Variants in COQ8B observed in about 807,000 individuals in gnomAD.
The protein encoded by COQ8B is coenzyme Q8B, also known as atypical kinase COQ8B, mitochondrial.
COQ8B carries 44 observed loss-of-function variants against 62.0 expected under a neutral mutation model. That is an observed-to-expected ratio of 0.71 (90% CI 0.56 to 0.91). The LOEUF (loss-of-function observed/expected upper bound fraction) is 0.91. COQ8B is among the 40% of genes least tolerant of loss of function. COQ8B has a pLI of 0.00. For missense variants in COQ8B, 649 were observed against 731.6 expected, an observed-to-expected ratio of 0.89 and a Z score of 1.30; for synonymous variants, 252 against 289.9, an observed-to-expected ratio of 0.87 and a Z score of 1.33.
intron 4 of COQ8B, 130 bp from the exon 5 acceptor site, chr19:40,710,266 ATGGAGT>A: frequency 7.6e-6 from 7 of 924,008 alleles, no homozygotes; most frequent in Non-Finnish European, 9.9e-6. Context: ...TTTGTTTGAG[ATGGAGT>A]CTCGCTCTGT....
chr19:40,697,878 T>TG (rs1291467876), intron 12 of COQ8B, among the ~76,000 whole-genome samples: 43 of 31,004 alleles, frequency 1.4e-3, no homozygotes, highest in South Asian at 3.8e-3. Flanking sequence ...AGAGAGAGAG[T>TG]TTCTACTGGG....
At position 40,692,338 on chromosome 19, in the gene COQ8B, G is replaced by A. The variant is rs775237961; in HGVS notation, c.1332C>T (p.Ile444=). ...FSDAHVEAVM[I]LGEPFATQGP... is the part of the protein sequence containing the mutation. The stretch of plus-strand genomic sequence containing the variant: ...CCTGGGTGGCGAAAGGCTCCCCCAG[G>A]ATCATCACTGCCTCCACGTGGGCGT... The change falls in exon 15 of 15, where the codon ATC becomes ATT. Residue 444 remains isoleucine, a synonymous_variant. Transcript: ENST00000324464. 3.7e-6 allele frequency: 6 copies of A among 1,613,524 alleles called. No homozygotes were observed. The Admixed American group carries it at 8.3e-5, about 22-fold the overall frequency.
intron 12 of COQ8B, among the ~76,000 whole-genome samples, chr19:40,697,822 T>TTA (rs66501221): frequency 0.052 from 4,106 of 78,780 alleles, 222 homozygotes; most frequent in East Asian, 0.07. Flanking sequence ...ATAAATAAAA[T>TTA]TATATATATA....
intron 5 of COQ8B, 133 bp from the exon 6 acceptor site, chr19:40,705,580 G>C (rs1024720289): frequency 1.1e-6 from 1 of 924,982 alleles, no homozygotes; most frequent in African/African-American, 1.7e-5. Context: ...AGACCAGTCT[G>C]GGCAACAGTG....
At chr19:40,693,153 G>T (rs2081987382) in intron 13 of COQ8B, 116 bp from the exon 14 acceptor site, 1 of 826,590 alleles carries the variant, frequency 1.2e-6, no homozygotes, top group South Asian at 1.7e-5. Context: ...ATCTGCCTGG[G>T]CCCTCCCTCA....
At chr19:40,697,086 G>A (rs1336097411) in intron 12 of COQ8B, among the ~76,000 whole-genome samples, 5 of 150,540 alleles carry the variant, frequency 3.3e-5, no homozygotes, top group Non-Finnish European at 5.9e-5. Context: ...TTTTAAATAT[G>A]TTTATTAGTT....
chr19:40,692,489 C>T (rs2081980837), intron 14 of COQ8B, 116 bp from the exon 15 acceptor site: 5 of 865,274 alleles, frequency 5.8e-6, no homozygotes, highest in Non-Finnish European at 8.9e-6. Context: ...TCAACACAAG[C>T]CCCGACTCCC....
chr19:40,696,174 C>G, intron 12 of COQ8B, 120 bp from the exon 13 acceptor site: 1 of 1,114,198 alleles, frequency 9.0e-7, no homozygotes, highest in Non-Finnish European at 1.4e-6. Context: ...AGAGTCCCTG[C>G]CTGGCTGCCT....
At chr19:40,704,015 G>C (rs1049632269) in intron 7 of COQ8B, among the ~76,000 whole-genome samples, 160 bp from the exon 8 acceptor site, 3 of 152,184 alleles carry the variant, frequency 2.0e-5, no homozygotes, top group Admixed American at 6.5e-5. Context: ...GGCTCAGAGA[G>C]AGCTCCCTTG....
chr19:40,703,112 A>G (rs1226368501), intron 9 of COQ8B, among the ~76,000 whole-genome samples: 3 of 151,966 alleles, frequency 2.0e-5, no homozygotes, highest in Non-Finnish European at 4.4e-5. Context: ...ACTGACTCTC[A>G]CGTTGCTCAC....
At chr19:40,697,851 T>TATATATAG (rs1446181673) in intron 12 of COQ8B, among the ~76,000 whole-genome samples, 9 of 54,730 alleles carry the variant, frequency 1.6e-4, no homozygotes, top group Non-Finnish European at 2.2e-4. Flanking sequence ...TATATATATA[T>TATATATAG]AGAGAGAGAG....
chr19:40,692,010 G>A lies in COQ8B; in HGVS notation c.*25C>T. 6.4e-7 allele frequency: 1 copy of A among 1,567,254 alleles called. No homozygotes were observed. On this transcript the variant is annotated 3_prime_UTR_variant, in exon 15 of 15. Coordinates refer to ENST00000324464, the MANE Select transcript of COQ8B (RefSeq NM_024876.4). ...CTACAGCAGGGTACGGCCTGCTCTG[G>A]GGACTGAATCCCCCATGGAGGCTGT...
intron 10 of COQ8B, 198 bp from the exon 11 acceptor site, chr19:40,700,649 G>C: frequency 1.5e-6 from 1 of 656,944 alleles, no homozygotes; most frequent in Non-Finnish European, 2.5e-6. Flanking sequence ...TATCTCCAAG[G>C]TGCCTACTCT....
At position 40,700,357 on chromosome 19, in the gene COQ8B, C is replaced by A. The variant is rs752758349; in HGVS notation, c.988G>T (p.Val330Phe). 6.2e-7 allele frequency: 1 copy of A among 1,614,164 alleles called. No individual in the cohort carries two copies. The highest frequency in any genetic ancestry group is 1.1e-5 in the South Asian group (1 of 91,088). Residue 330 changes from valine to phenylalanine, a missense_variant, in exon 11 of 15, where the codon GTC (valine) becomes TTC (phenylalanine). Val to Phe is a conservative substitution (Grantham distance 50, BLOSUM62 -1). Coordinates refer to ENST00000324464, the MANE Select transcript of COQ8B (RefSeq NM_024876.4). Reference sequence around the variant, plus strand: ...AGGCCCTGGCACTGGTCCAGGGGGACCCCTCCAGCCAGCTCCATGCCCAGC... The same window carrying A: ...AGGCCCTGGCACTGGTCCAGGGGGAACCCTCCAGCCAGCTCCATGCCCAGC... Reference protein sequence around the residue: ...RVLGMELAGGVPLDQCQGLSQ... With the variant: ...RVLGMELAGGFPLDQCQGLSQ...
chr19:40,700,266 G>A (rs374668619), intron 11 of COQ8B, 44 bp downstream of exon 11: 22 of 1,610,256 alleles, frequency 1.4e-5, no homozygotes, highest in Admixed American at 1.0e-4. Flanking sequence ...TGGCCCACCC[G>A]CCCTGGGGCC....
At chr19:40,712,628 A>G (rs2082151299) in intron 4 of COQ8B, among the ~76,000 whole-genome samples, 1 of 152,122 alleles carries the variant, frequency 6.6e-6, no homozygotes, top group African/African-American at 2.4e-5. Flanking sequence ...ATGATCAGCA[A>G]TAAGAAGACA....
intron 7 of COQ8B, 31 bp downstream of exon 7, chr19:40,705,065 C>T (rs1231062007): frequency 6.4e-7 from 1 of 1,568,048 alleles, no homozygotes. Context: ...GAGCCTGCCT[C>T]CCTCACCGCC....
chr19:40,702,487 A>G (rs1049517282), intron 10 of COQ8B, 113 bp downstream of exon 10: 1 of 950,144 alleles, frequency 1.1e-6, no homozygotes. Context: ...GATTGAAAGA[A>G]AGAGAGAGTT....
chr19:40,692,312 C>A lies in COQ8B; in HGVS notation c.1358G>T (p.Gly453Val), dbSNP rs1330389000. 3.7e-6 allele frequency: 6 copies of A among 1,613,766 alleles called. No homozygotes were observed. The East Asian group carries it at 1.3e-4, about 36-fold the overall frequency. Residue 453 changes from glycine (G) to valine (V), a missense_variant, in exon 15 of 15, where the codon GGC (glycine) becomes GTC (valine). Coordinates refer to ENST00000324464, the MANE Select transcript of COQ8B (RefSeq NM_024876.4). ...TTCCCCCGACCCAAAGTCATAAGGGCCCTGGGTGGCGAAAGGCTCCCCCAG... is the reference window on the plus strand; with the variant it reads ...TTCCCCCGACCCAAAGTCATAAGGGACCTGGGTGGCGAAAGGCTCCCCCAG... ...MILGEPFATQ[G>V]PYDFGSGETA... is the part of the protein sequence containing the mutation.
Sources: gnomAD v4.1 joint callset for allele counts (sites outside exome capture counted in the v4.1 genomes callset) on GRCh38, gnomAD v4.1.1 for gene constraint, MANE v1.5 for transcripts, NCBI Gene and HGNC (gene_info 2026-07-23, HGNC 2026-07-21) for gene names.